SULT2B1: variants seen among roughly 807,000 people sequenced by gnomAD.
SULT2B1 encodes sulfotransferase 2B1.
In SULT2B1, 16 loss-of-function variants were observed where a neutral mutation model predicts 33.2. The observed-to-expected ratio is 0.48, with a 90% CI of 0.33 to 0.73. The LOEUF (loss-of-function observed/expected upper bound fraction) is 0.73. Among genes scored for constraint, SULT2B1 ranks in the 30% least tolerant of loss-of-function variants. SULT2B1 has a pLI of 0.02. For synonymous variants in SULT2B1, 186 were observed against 200.5 expected (o/e 0.93, Z 0.61); for missense variants, 500 against 506.0 (o/e 0.99, Z 0.11).
At chr19:48,581,009 A>G (rs542714742) in intron 2 of SULT2B1, among the ~76,000 whole-genome samples, 4 of 139,638 alleles carry the variant, frequency 2.9e-5, no homozygotes, top group Non-Finnish European at 4.6e-5. Flanking sequence ...TCATGTGCTC[A>G]TTAGCCATCA....
chr19:48,588,372 C>T (rs564642510), intron 3 of SULT2B1, among the ~76,000 whole-genome samples: 6 of 151,076 alleles, frequency 4.0e-5, no homozygotes, highest in Non-Finnish European at 4.4e-5. Flanking sequence ...GTTAGCTGGG[C>T]GTGGTGGCAC....
At chr19:48,561,008 C>T (rs530259183) in intron 1 of SULT2B1, among the ~76,000 whole-genome samples, 16 of 151,686 alleles carry the variant, frequency 1.1e-4, no homozygotes, top group African/African-American at 2.9e-4. Context: ...GGTGGGCGCC[C>T]GTAATCCCAG....
intron 5 of SULT2B1, 86 bp downstream of exon 5, chr19:48,592,902 A>T: frequency 2.5e-6 from 3 of 1,202,074 alleles, no homozygotes; most frequent in Non-Finnish European, 3.6e-6. Flanking sequence ...GGGTCTCAGG[A>T]CCCCTCCGCT....
At chr19:48,555,589 T>TCTCTCTCTCTCTCTCTCTCTCTC (rs58997933) in intron 1 of SULT2B1, among the ~76,000 whole-genome samples, 2 of 146,346 alleles carry the variant, frequency 1.4e-5, no homozygotes, top group African/African-American at 5.1e-5. Flanking sequence ...TCTCTCTCTC[T>TCTCTCTCTCTCTCTCTCTCTCTC]TTTGAGACAG....
rs536389860 is a variant in SULT2B1, at chr19:48,555,976, G to A, written c.71+3653G>A. Among the ~76,000 whole-genome samples the A allele has an allele frequency of 1.4e-4, 21 of 152,266 alleles. No homozygotes were observed. In the South Asian group the frequency reaches 1.7e-3, roughly 12 times the overall value. On this transcript the variant is annotated intron_variant, in intron 1 of 6. Transcript: ENST00000201586. The stretch of plus-strand genomic sequence containing the variant: ...GCTGGTCTTGAACTCCTGACCTCAG[G>A]TGATGTGCCCACCTCGGCCTCCCAA...
intron 1 of SULT2B1, among the ~76,000 whole-genome samples, chr19:48,568,928 C>A (rs910599426): frequency 6.6e-6 from 1 of 152,202 alleles, no homozygotes; most frequent in African/African-American, 2.4e-5. Context: ...CCACACACCG[C>A]TCCCTCTCTC....
At position 48,579,840 on chromosome 19, in the gene SULT2B1, C is replaced by T. The variant is rs577531817; in HGVS notation, c.214+3757C>T. On this transcript the variant is annotated intron_variant, in intron 2 of 6. Coordinates refer to ENST00000201586, the MANE Select transcript of SULT2B1 (RefSeq NM_177973.2). The stretch of plus-strand genomic sequence containing the variant: ...CAGGCTGGTCTCGAACTCCTGACCT[C>T]AGGTGATCCACCTGCCTCAGCTTCC... 3.3e-5 allele frequency among the ~76,000 whole-genome samples: 5 copies of T among 151,956 alleles called. No homozygotes were observed. In the South Asian group the frequency reaches 1.0e-3, roughly 32 times the overall value.
chr19:48,553,985 C>T (rs1017391991), intron 1 of SULT2B1, among the ~76,000 whole-genome samples: 4 of 151,990 alleles, frequency 2.6e-5, no homozygotes, highest in African/African-American at 9.7e-5. Context: ...TTTTTATCTC[C>T]GCGACGGCTC....
chr19:48,598,754 G>A (rs1973757406), intron 6 of SULT2B1, among the ~76,000 whole-genome samples: 1 of 152,112 alleles, frequency 6.6e-6, no homozygotes, highest in African/African-American at 2.4e-5. Flanking sequence ...ATTGAGACAG[G>A]AGGCCTTGTT....
intron 1 of SULT2B1, among the ~76,000 whole-genome samples, chr19:48,555,494 CT>C (rs1261826269): frequency 6.6e-6 from 1 of 152,050 alleles, no homozygotes; most frequent in African/African-American, 2.4e-5. Context: ...CATCTTCTCT[CT>C]CTCTCTCTCT....
chr19:48,584,706 A>G (rs773498990), intron 2 of SULT2B1, among the ~76,000 whole-genome samples: 1 of 152,170 alleles, frequency 6.6e-6, no homozygotes, highest in Non-Finnish European at 1.5e-5. Context: ...GGAGCTCCAG[A>G]CCAGCCTGGG....
chr19:48,569,558 C>T (rs1167170645), intron 1 of SULT2B1, among the ~76,000 whole-genome samples: 3 of 151,436 alleles, frequency 2.0e-5, no homozygotes, highest in Non-Finnish European at 2.9e-5. Flanking sequence ...ATTGGGTTCT[C>T]ACTCTGTGTA....
chr19:48,588,067 G>A (rs574223680), intron 3 of SULT2B1, among the ~76,000 whole-genome samples: 8 of 151,752 alleles, frequency 5.3e-5, no homozygotes, highest in East Asian at 1.9e-4. Context: ...AAAATTAGTC[G>A]GATCTGGTGG....
At chr19:48,573,727 A>G (rs1973362705) in intron 1 of SULT2B1, among the ~76,000 whole-genome samples, 1 of 152,066 alleles carries the variant, frequency 6.6e-6, no homozygotes. Flanking sequence ...CTTGGGTTCA[A>G]ATCCCAGCTC....
chr19:48,591,760 G>A (rs1243074181), intron 4 of SULT2B1, 25 bp downstream of exon 4: 19 of 1,542,084 alleles, frequency 1.2e-5, no homozygotes, highest in Non-Finnish European at 1.7e-5. Context: ...AAGCGGGGCA[G>A]GAGGGGTGGG....
intron 2 of SULT2B1, among the ~76,000 whole-genome samples, chr19:48,585,947 G>A (rs138772359): frequency 0.016 from 2,390 of 151,664 alleles, 27 homozygotes; most frequent in Non-Finnish European, 0.026. Flanking sequence ...GTGCCTGCTG[G>A]GCATGATGCC....
chr19:48,575,810 AC>A, intron 1 of SULT2B1, 130 bp from the exon 2 acceptor site: 8 of 1,472,826 alleles, frequency 5.4e-6, no homozygotes, highest in Non-Finnish European at 7.2e-6. Flanking sequence ...GGACAGTGTC[AC>A]CACTTTACAG....
chr19:48,593,881 A>G (rs1433490462), intron 5 of SULT2B1, among the ~76,000 whole-genome samples: 7 of 150,594 alleles, frequency 4.6e-5, no homozygotes, highest in Non-Finnish European at 8.9e-5. Context: ...TGATCCACCC[A>G]CCTCGGCCTC....
rs184469218 is a variant in SULT2B1, at chr19:48,593,972, A to G, written c.645+1156A>G. 9.2e-4 allele frequency among the ~76,000 whole-genome samples: 140 copies of G among 151,358 alleles called. 1 individual carries two copies. Among genetic ancestry groups the G allele is most frequent in the African/African-American group, 3.3e-3 (136 of 41,290 alleles). ...AACTAGTTTTTATTTTAAGATGGTAATTTTGGCTGGGCACGGTGGCTCACG... is the reference window on the plus strand; with the variant it reads ...AACTAGTTTTTATTTTAAGATGGTAGTTTTGGCTGGGCACGGTGGCTCACG... On this transcript the variant is annotated intron_variant, in intron 5 of 6. Coordinates refer to ENST00000201586, the MANE Select transcript of SULT2B1 (RefSeq NM_177973.2).
Sources: allele counts gnomAD v4.1 joint callset (sites outside exome capture counted in the v4.1 genomes callset), GRCh38; gene constraint gnomAD v4.1.1; transcripts MANE v1.5; gene names NCBI Gene and HGNC (gene_info 2026-07-23, HGNC 2026-07-21).